The following B3GAT1 variants were observed in gnomAD, a reference collection of about 807,000 sequenced individuals.
B3GAT1 encodes galactosylgalactosylxylosylprotein 3-beta-glucuronosyltransferase 1.
Under a neutral mutation model 28.4 loss-of-function variants are expected in B3GAT1, and 11 were observed. That is an observed-to-expected ratio of 0.39 (90% CI 0.24 to 0.64). B3GAT1 has a LOEUF of 0.64. Among genes scored for constraint, B3GAT1 ranks in the 30% least tolerant of loss-of-function variants. The pLI is 0.50. For synonymous variants in B3GAT1, 255 were observed against 223.1 expected, an observed-to-expected ratio of 1.14 and a Z score of -1.27; for missense variants, 375 against 491.0, an observed-to-expected ratio of 0.76 and a Z score of 2.23.
chr11:134,391,257 G>C (rs956522967), intron 1 of B3GAT1: 1 of 152,224 alleles, frequency 6.6e-6, no homozygotes, highest in Non-Finnish European at 1.5e-5. Context: ...TTACCAGGCA[G>C]TTATCAAGCA....
chr11:134,408,869 G>C (rs1944790900), intron 1 of B3GAT1, among the ~76,000 whole-genome samples: 1 of 129,952 alleles, frequency 7.7e-6, no homozygotes, highest in Non-Finnish European at 1.6e-5. Context: ...GAGGAGGGAG[G>C]TGGGACAGCC....
In B3GAT1 at chr11:134,381,911, G is replaced by T. The variant is rs563089791; in HGVS notation, c.*14+13C>A. ...CCTGCCCAGTGTGTGGCCCACCCTC[G>T]TCATGCCCATACCTGCATCCTGAGG... On this transcript the variant is annotated intron_variant, in intron 5 of 5. Coordinates refer to ENST00000312527, the MANE Select transcript of B3GAT1 (RefSeq NM_054025.3). 1.9e-6 allele frequency: 3 copies of T among 1,607,894 alleles called. No homozygotes were observed. The highest frequency in any genetic ancestry group is 1.1e-5 in the South Asian group (1 of 90,964).
chr11:134,401,205 AT>A (rs1179792701), intron 1 of B3GAT1, among the ~76,000 whole-genome samples: 2 of 152,240 alleles, frequency 1.3e-5, no homozygotes, highest in African/African-American at 4.8e-5. Flanking sequence ...AACTTAAAAC[AT>A]TTGACCCAGC....
intron 1 of B3GAT1, among the ~76,000 whole-genome samples, chr11:134,396,731 C>T (rs532246647): frequency 2.6e-5 from 4 of 152,242 alleles, no homozygotes; most frequent in Non-Finnish European, 4.4e-5. Context: ...CGGGTCTGCT[C>T]GGCCTGGCTT....
At chr11:134,409,095 A>G (rs1012081643) in intron 1 of B3GAT1, among the ~76,000 whole-genome samples, 5 of 152,194 alleles carry the variant, frequency 3.3e-5, no homozygotes, top group East Asian at 3.8e-4. Context: ...TTCATCTAGT[A>G]TTTCTTCTAA....
At chr11:134,396,203 C>T (rs545383574) in intron 1 of B3GAT1, among the ~76,000 whole-genome samples, 1 of 152,300 alleles carries the variant, frequency 6.6e-6, no homozygotes, top group African/African-American at 2.4e-5. Context: ...GAATGCCATC[C>T]ACACCAAAGG....
chr11:134,399,947 TCAGGCTGTGAGCAAGGTGGGGACATCC>T (rs1944577776), intron 1 of B3GAT1, among the ~76,000 whole-genome samples: 1 of 152,152 alleles, frequency 6.6e-6, no homozygotes, highest in African/African-American at 2.4e-5. Flanking sequence ...GCAGAACCTC[TCAGGCTGTGAGCAAGGTGGGGACATCC>T]CAGAGGGAGG....
intron 1 of B3GAT1, among the ~76,000 whole-genome samples, chr11:134,410,456 G>C (rs1944831833): frequency 1.3e-5 from 2 of 152,166 alleles, no homozygotes; most frequent in Non-Finnish European, 1.5e-5. Context: ...GAGGGAAAAT[G>C]TCTCTAAGCT....
At chr11:134,397,403 G>C (rs1184472125) in intron 1 of B3GAT1, among the ~76,000 whole-genome samples, 1 of 152,150 alleles carries the variant, frequency 6.6e-6, no homozygotes, top group Non-Finnish European at 1.5e-5. Flanking sequence ...GTTCTCTCCT[G>C]TTCCCTGGCC....
rs546499321 is a variant in B3GAT1, at chr11:134,398,593, G to A, written c.-281-10653C>T. Among the ~76,000 whole-genome samples, 9 of 150,874 alleles carry A rather than the reference G, an allele frequency of 6.0e-5. No individual in the cohort carries two copies. In the South Asian group the frequency reaches 1.9e-3, roughly 31 times the overall value. The stretch of plus-strand genomic sequence containing the variant: ...AGAAACTGAGGCATGAGGGGGTTGA[G>A]TGACTGTCTCAAGTGTCCCAGGTCC... On this transcript the variant is annotated intron_variant, in intron 1 of 5. Transcript: ENST00000312527.
At chr11:134,381,653 C>T in intron 5 of B3GAT1, 2 of 426,316 alleles carry the variant, frequency 4.7e-6, no homozygotes, top group Non-Finnish European at 8.6e-6. Flanking sequence ...GGCGTCACTG[C>T]CAGCAGAAAA....
chr11:134,387,270 G>C (rs559434710), intron 2 of B3GAT1: 1 of 383,434 alleles, frequency 2.6e-6, no homozygotes, highest in South Asian at 4.0e-5. Context: ...GGGGCAGGGC[G>C]TGCCCCCTCC....
chr11:134,411,443 C>G lies in B3GAT1; in HGVS notation c.-282+364G>C, dbSNP rs1295152061. ...GTGGGGAGGTGGGGGACGACTGACC[C>G]CTGACTCCTCATCCGGCCACCAGAA... On this transcript the variant is annotated intron_variant, in intron 1 of 5. Transcript: ENST00000312527. The surrounding 1 kb of genome is among the most constrained non-coding windows in gnomAD (Gnocchi z 6.0). Among the ~76,000 whole-genome samples the G allele has an allele frequency of 1.3e-5, 2 of 152,056 alleles. No homozygotes were observed. Among genetic ancestry groups the G allele is most frequent in the Non-Finnish European group, 2.9e-5 (2 of 67,984 alleles).
intron 1 of B3GAT1, among the ~76,000 whole-genome samples, chr11:134,398,910 C>A (rs991196873): frequency 6.6e-6 from 1 of 152,206 alleles, no homozygotes; most frequent in African/African-American, 2.4e-5. Context: ...TGATCCAAAC[C>A]AGGATGCTTT....
intron 1 of B3GAT1, chr11:134,389,773 A>T (rs1944370053): frequency 6.6e-6 from 1 of 152,368 alleles, no homozygotes; most frequent in Non-Finnish European, 1.5e-5. Flanking sequence ...TTTCAGGCAG[A>T]GTCGAGTGCT....
At chr11:134,388,522 T>G (rs893951) in intron 1 of B3GAT1, 109,974 of 155,364 alleles carry the variant, frequency 0.71, 39,082 homozygotes, top group East Asian at 0.91. Flanking sequence ...TTGTTATGGG[T>G]CATATTGCAT....
In B3GAT1 at chr11:134,400,741, G is replaced by A. The variant is rs372310243; in HGVS notation, c.-282+11066C>T. On this transcript the variant is annotated intron_variant, in intron 1 of 5. Coordinates refer to ENST00000312527, the MANE Select transcript of B3GAT1 (RefSeq NM_054025.3). ...TATGGCTAAGTCCTCAAAAGCAACT[G>A]CAAAATACAAACAAAAATCAACAAG... is the stretch of plus-strand genomic sequence containing the variant. Among the ~76,000 whole-genome samples the A allele has an allele frequency of 2.6e-5, 4 of 152,286 alleles. No individual in the cohort carries two copies. In the East Asian group the frequency reaches 7.7e-4, roughly 29 times the overall value.
At chr11:134,381,856 G>T in intron 5 of B3GAT1, 68 bp downstream of exon 5, 1 of 1,270,116 alleles carries the variant, frequency 7.9e-7, no homozygotes, top group Non-Finnish European at 1.1e-6. Flanking sequence ...AAAAGAATGA[G>T]ACAGTTGATT....
At chr11:134,383,178 G>T (rs965756690) in intron 3 of B3GAT1, among the ~76,000 whole-genome samples, 172 bp from the exon 4 acceptor site, 1 of 152,188 alleles carries the variant, frequency 6.6e-6, no homozygotes, top group Non-Finnish European at 1.5e-5. Context: ...CATGGGTTGG[G>T]CACCTGAGAA....
Sources: allele counts gnomAD v4.1 joint callset (sites outside exome capture counted in the v4.1 genomes callset), GRCh38; gene constraint gnomAD v4.1.1; non-coding constraint Gnocchi (gnomAD v3.1); transcripts MANE v1.5; gene names NCBI Gene and HGNC (gene_info 2026-07-23, HGNC 2026-07-21).